Variants in FHIT observed in about 807,000 individuals in gnomAD.
The protein encoded by FHIT is bis(5'-adenosyl)-triphosphatase.
FHIT carries 19 observed loss-of-function variants against 17.9 expected under a neutral mutation model. The observed-to-expected ratio is 1.06, with a 90% CI of 0.74 to 1.56. The LOEUF (loss-of-function observed/expected upper bound fraction) is 1.56, where lower values mean the gene tolerates loss of function less well. FHIT is among the 40% of genes most tolerant of loss of function. The pLI, the probability that FHIT is intolerant of heterozygous loss-of-function variation, is 0.00. For synonymous variants in FHIT, 81 were observed against 69.7 expected (o/e 1.16, Z -0.81); for missense variants, 248 against 189.2 (o/e 1.31, Z -1.82).
chr3:60,387,097 C>G (rs1272085582), intron 5 of FHIT, among the ~76,000 whole-genome samples: 1 of 148,156 alleles, frequency 6.7e-6, no homozygotes, highest in Non-Finnish European at 1.5e-5. Context: ...AAGCGATTCT[C>G]CTGCCTCAGC....
At chr3:60,543,413 T>G (rs1271689413) in intron 4 of FHIT, among the ~76,000 whole-genome samples, 1 of 152,200 alleles carries the variant, frequency 6.6e-6, no homozygotes, top group African/African-American at 2.4e-5. Flanking sequence ...GAATTTAAAT[T>G]GTAAGATGGG....
intron 2 of FHIT, among the ~76,000 whole-genome samples, chr3:61,156,814 G>C (rs2037546744): frequency 6.6e-6 from 1 of 152,174 alleles, no homozygotes; most frequent in Non-Finnish European, 1.5e-5. Context: ...GACTCTGCAA[G>C]GGGGCTTTCC....
intron 5 of FHIT, among the ~76,000 whole-genome samples, chr3:60,236,061 A>T (rs1559750822): frequency 6.6e-6 from 1 of 151,916 alleles, no homozygotes; most frequent in Non-Finnish European, 1.5e-5. Context: ...CTCAAGACCC[A>T]TGAGTTTGCT....
Position 60,358,563 on chromosome 3 carries a change from A to C in FHIT, c.103+178297T>G, listed in dbSNP as rs549179901. On this transcript the variant is annotated intron_variant, in intron 5 of 9. Coordinates refer to ENST00000492590, the MANE Select transcript of FHIT (RefSeq NM_002012.4). ...ACTGTGAGCCTAGGTCAAAAAGCTA[A>C]GGTCATAGTGTTCTGACATAAACAA... Among the ~76,000 whole-genome samples, 3 of 152,368 alleles carry C rather than the reference A, an allele frequency of 2.0e-5. No individual in the cohort carries two copies. The East Asian group carries it at 5.8e-4, about 29-fold the overall frequency.
At chr3:61,135,872 A>C (rs2106974227) in intron 2 of FHIT, among the ~76,000 whole-genome samples, 1 of 152,324 alleles carries the variant, frequency 6.6e-6, no homozygotes, top group Non-Finnish European at 1.5e-5. Flanking sequence ...AATACCACCA[A>C]AAGCACAGAG....
At chr3:60,817,904 C>G (rs1302572421) in intron 4 of FHIT, among the ~76,000 whole-genome samples, 3 of 152,080 alleles carry the variant, frequency 2.0e-5, no homozygotes, top group Admixed American at 6.6e-5. Context: ...TTCTGTTACA[C>G]AGGTCCCTGA....
chr3:61,142,658 T>C (rs1055718799), intron 2 of FHIT, among the ~76,000 whole-genome samples: 1 of 152,104 alleles, frequency 6.6e-6, no homozygotes, highest in African/African-American at 2.4e-5. Context: ...AAAGAAAAAA[T>C]AATTGTTATA....
At chr3:59,840,557 G>A (rs1375663587) in intron 8 of FHIT, among the ~76,000 whole-genome samples, 5 of 152,040 alleles carry the variant, frequency 3.3e-5, no homozygotes, top group South Asian at 2.1e-4. Context: ...GAAATCCATC[G>A]CCAATTCATA....
At chr3:60,998,610 C>A (rs2030840388) in intron 3 of FHIT, among the ~76,000 whole-genome samples, 1 of 152,036 alleles carries the variant, frequency 6.6e-6, no homozygotes. Context: ...TTGTCACATA[C>A]ATTTTTTCCA....
rs569087788 is a variant in FHIT, at chr3:60,239,401, T to C, written c.104-225249A>G. ...GCAACATAGGGGGACCCCAGTCTTTTAAAAAATAAAAAACTTGGCTGGGCA... is the reference window on the plus strand; with the variant it reads ...GCAACATAGGGGGACCCCAGTCTTTCAAAAAATAAAAAACTTGGCTGGGCA... On this transcript the variant is annotated intron_variant, in intron 5 of 9. Coordinates refer to ENST00000492590, the MANE Select transcript of FHIT (RefSeq NM_002012.4). 7.2e-5 allele frequency among the ~76,000 whole-genome samples: 11 copies of C among 152,040 alleles called. No homozygotes were observed. The South Asian group carries it at 2.3e-3, about 32-fold the overall frequency.
intron 5 of FHIT, among the ~76,000 whole-genome samples, chr3:60,315,416 C>T (rs1331851087): frequency 6.6e-6 from 1 of 152,156 alleles, no homozygotes; most frequent in Non-Finnish European, 1.5e-5. Flanking sequence ...CTCTCTCTGA[C>T]CCTACCCAGA....
intron 5 of FHIT, among the ~76,000 whole-genome samples, chr3:60,525,933 T>C (rs2035556454): frequency 6.6e-6 from 1 of 152,016 alleles, no homozygotes. Context: ...TGAAACCTTG[T>C]CTCTACAAAA....
intron 8 of FHIT, among the ~76,000 whole-genome samples, chr3:59,756,013 C>T (rs1701199768): frequency 6.6e-6 from 1 of 152,108 alleles, no homozygotes; most frequent in Non-Finnish European, 1.5e-5. Context: ...GAGTGGTGAG[C>T]AGTGCCGTGC....
Position 60,732,392 on chromosome 3 carries a change from T to C in FHIT, c.-18+89527A>G. The C allele has an allele frequency of 6.4e-6, 5 of 781,426 alleles. No homozygotes were observed. In the South Asian group the frequency reaches 6.7e-5, roughly 10 times the overall value. The allele number at this position is 781,426 out of a possible 1,614,324, so 48.4% of individuals were successfully genotyped here. A position where few individuals can be genotyped will look rare whatever the true frequency, so the allele number is the denominator to read the frequency against. ...TCAGGATGAAGTTCTCCTCATCAAA[T>C]TTCTACCTGTAGATGGACTTGCCAC... On this transcript the variant is annotated intron_variant, in intron 4 of 9. Transcript: ENST00000492590.
At chr3:60,943,777 T>C (rs1044371182) in intron 3 of FHIT, among the ~76,000 whole-genome samples, 1 of 152,174 alleles carries the variant, frequency 6.6e-6, no homozygotes, top group African/African-American at 2.4e-5. Flanking sequence ...TTTAGACACA[T>C]TGGCAAATAA....
intron 8 of FHIT, among the ~76,000 whole-genome samples, chr3:59,891,231 G>T (rs1703840733): frequency 6.6e-6 from 1 of 152,140 alleles, no homozygotes; most frequent in Non-Finnish European, 1.5e-5. Context: ...AAAATATCAG[G>T]AACCAAGGAC....
rs1559544760 is a variant in FHIT at position 60,009,166 on chromosome 3, TGTG to T, written c.279+2202_279+2204del. 4.0e-3 allele frequency among the ~76,000 whole-genome samples: 15 copies of T among 3,756 alleles called. No homozygotes were observed. The East Asian group carries it at 0.062, about 16-fold the overall frequency. The allele number at this position is 3,756 out of a possible 152,430, so 2.5% of individuals were successfully genotyped here. A position where few individuals can be genotyped will look rare whatever the true frequency, so the allele number is the denominator to read the frequency against. Reference sequence around the variant, plus strand: ...ACCTTCATTGTTCTCTGGGATTTTATGTGTGTGTGTGTGTGTGTGTGTGTGTGT... The same window carrying T: ...ACCTTCATTGTTCTCTGGGATTTTATTGTGTGTGTGTGTGTGTGTGTGTGT... On this transcript the variant is annotated intron_variant, in intron 7 of 9. Coordinates refer to ENST00000492590, the MANE Select transcript of FHIT (RefSeq NM_002012.4).
chr3:60,787,400 G>T (rs1553727268), intron 4 of FHIT, among the ~76,000 whole-genome samples: 2 of 152,168 alleles, frequency 1.3e-5, no homozygotes, highest in African/African-American at 2.4e-5. Flanking sequence ...TGGATACTCT[G>T]TCACATGCTC....
chr3:60,364,706 A>G (rs2107020349), intron 5 of FHIT, among the ~76,000 whole-genome samples: 1 of 152,328 alleles, frequency 6.6e-6, no homozygotes, highest in East Asian at 1.9e-4. Flanking sequence ...TGTATCAGTG[A>G]GGGTGTTTCC....
Sources: gnomAD v4.1 joint callset for allele counts (sites outside exome capture counted in the v4.1 genomes callset) on GRCh38, gnomAD v4.1.1 for gene constraint, MANE v1.5 for transcripts, NCBI Gene and HGNC (gene_info 2026-07-23, HGNC 2026-07-21) for gene names.